Variants in SYCE1L observed in about 807,000 individuals in gnomAD.
The protein encoded by SYCE1L is synaptonemal complex central element protein 1-like.
Under a neutral mutation model 39.6 loss-of-function variants are expected in SYCE1L, and 51 were observed. The ratio of observed to expected loss-of-function variants is 1.29; its 90% CI spans 1.03 to 1.63. The LOEUF (loss-of-function observed/expected upper bound fraction) is 1.63. Ranked by LOEUF, SYCE1L falls within the 40% of genes most tolerant of loss-of-function variation. The probability of loss-of-function intolerance (pLI) is 0.00; values close to 1 mark genes in which losing one functional copy is unlikely to be tolerated. For missense variants in SYCE1L, 426 were observed against 304.9 expected (o/e 1.40, Z -2.96); for synonymous variants, 147 against 122.4 (o/e 1.20, Z -1.33).
chr16:77,208,463 AGCAAAGAAGAAATCCAGTGAGGAACT>A lies in SYCE1L; in HGVS notation c.182_207del (p.Ala61GlufsTer12). On this transcript the variant is annotated splice_acceptor_variant and coding_sequence_variant, in exon 4 of 11. Transcript: ENST00000378644. LOFTEE classifies it high-confidence loss of function. ...CAGTGTCTTTTTCCCTTCTTGGCCC[AGCAAAGAAGAAATCCAGTGAGGAACT>A]GAGAGAGACCCACAGTCTCTGGGAG... is the stretch of plus-strand genomic sequence containing the variant. 1 of 1,551,726 alleles carries A rather than the reference AGCAAAGAAGAAATCCAGTGAGGAACT, an allele frequency of 6.4e-7. No individual in the cohort carries two copies. The highest frequency in any genetic ancestry group is 1.2e-5 in the South Asian group (1 of 84,066).
intron 1 of SYCE1L, chr16:77,202,016 T>C (rs986050458): frequency 6.6e-6 from 1 of 152,092 alleles, no homozygotes; most frequent in African/African-American, 2.4e-5. Flanking sequence ...ATTTTGGGAG[T>C]AGTGCAGAGG....
At chr16:77,211,062 G>C (rs573028655) in intron 6 of SYCE1L, 151 bp from the exon 7 acceptor site, 1 of 783,450 alleles carries the variant, frequency 1.3e-6, no homozygotes, top group South Asian at 1.7e-5. Flanking sequence ...TGGAAGAGGT[G>C]CTACGGGAAC....
intron 1 of SYCE1L, chr16:77,200,291 T>TATATATACAC: frequency 9.9e-5 from 11 of 111,416 alleles, no homozygotes; most frequent in East Asian, 4.4e-4. Context: ...TATATATATA[T>TATATATACAC]ACACACACTA....
intron 3 of SYCE1L, 22 bp from the exon 4 acceptor site, chr16:77,208,443 T>G (rs2054800745): frequency 6.4e-7 from 1 of 1,551,472 alleles, no homozygotes; most frequent in African/African-American, 1.4e-5. Flanking sequence ...TCATACAGTG[T>G]CTTTTTCCCT....
chr16:77,199,681 G>A (rs1302860470), intron 1 of SYCE1L, 169 bp downstream of exon 1: 6 of 584,340 alleles, frequency 1.0e-5, no homozygotes, highest in African/African-American at 1.9e-5. Flanking sequence ...GCACAGTGGA[G>A]ATAAATTAAC....
chr16:77,205,453 TAC>T (rs1230640286), intron 1 of SYCE1L, among the ~76,000 whole-genome samples: 9 of 149,822 alleles, frequency 6.0e-5, no homozygotes, highest in South Asian at 2.1e-4. Flanking sequence ...TATATATGTA[TAC>T]ATACATATTT....
rs964505796 is a variant in SYCE1L at position 77,208,276 on chromosome 16, T to C, written c.181+7T>C. Reference sequence around the variant, plus strand: ...ATTAATGATCTTCAGCAAGGTAAACTTGGGGACTTAGACTGGCCAGCTGGG... The same window carrying C: ...ATTAATGATCTTCAGCAAGGTAAACCTGGGGACTTAGACTGGCCAGCTGGG... On this transcript the variant is annotated splice_region_variant and intron_variant, in intron 3 of 10. Coordinates refer to ENST00000378644, the MANE Select transcript of SYCE1L (RefSeq NM_001129979.3). 1.2e-5 allele frequency: 19 copies of C among 1,551,552 alleles called. No individual in the cohort carries two copies. The African/African-American group carries it at 1.9e-4, about 16-fold the overall frequency.
In SYCE1L at chr16:77,212,318, G is replaced by C. The variant is rs1220030789; in HGVS notation, c.530G>C (p.Arg177Pro). Residue 177 changes from arginine to proline, a missense_variant, in exon 9 of 11, where the codon CGG becomes CCG. Physicochemically the swap from Arg to Pro is moderately radical, Grantham distance 103 (BLOSUM62 -2). Transcript: ENST00000378644. ...LVRAKLREVE[R>P]RLHSPPEVEG... ...CGCGCCAAGCTGCGGGAGGTGGAGC[G>C]GCGGCTGCACTCGCCGCCTGAGGTC... 6.6e-7 allele frequency: 1 copy of C among 1,524,786 alleles called. No individual in the cohort carries two copies. Among genetic ancestry groups the C allele is most frequent in the Non-Finnish European group, 8.8e-7 (1 of 1,137,722 alleles). The allele number at this position is 1,524,786 out of a possible 1,614,324, so 94.5% of individuals were successfully genotyped here. A position where few individuals can be genotyped will look rare whatever the true frequency, so the allele number is the denominator to read the frequency against.
chr16:77,204,430 T>C (rs1449220613), intron 1 of SYCE1L, among the ~76,000 whole-genome samples: 2 of 152,082 alleles, frequency 1.3e-5, no homozygotes, highest in Non-Finnish European at 2.9e-5. Flanking sequence ...GGTGTCCTTA[T>C]AAGTAGAGGG....
At position 77,213,089 on chromosome 16, in the gene SYCE1L, C is replaced by A. The variant is rs1041760419; in HGVS notation, c.*158C>A. The stretch of plus-strand genomic sequence containing the variant: ...CTCGAGGCGGGGCCTCTGCCGGACC[C>A]CTCCCACCAGTCGAGCCCCGGGCGC... On this transcript the variant is annotated 3_prime_UTR_variant, in exon 11 of 11. Transcript: ENST00000378644. 4.0e-6 allele frequency: 3 copies of A among 753,106 alleles called. No homozygotes were observed. In the African/African-American group the frequency reaches 5.4e-5, roughly 14 times the overall value. The allele number at this position is 753,106 out of a possible 1,614,324, so 46.7% of individuals were successfully genotyped here. A position where few individuals can be genotyped will look rare whatever the true frequency, so the allele number is the denominator to read the frequency against.
chr16:77,209,592 C>T (rs1019669703), intron 6 of SYCE1L, 121 bp downstream of exon 6: 146 of 1,044,262 alleles, frequency 1.4e-4, no homozygotes, highest in Non-Finnish European at 1.9e-4. Flanking sequence ...TAAAATAGAG[C>T]AGCCTGACAA....
intron 6 of SYCE1L, 71 bp from the exon 7 acceptor site, chr16:77,211,142 G>A: frequency 2.0e-6 from 3 of 1,511,324 alleles, no homozygotes; most frequent in Non-Finnish European, 2.7e-6. Context: ...CTGAAGGCCT[G>A]TGCATGAGGA....
intron 2 of SYCE1L, 71 bp downstream of exon 2, chr16:77,206,571 C>G: frequency 6.9e-7 from 1 of 1,453,002 alleles, no homozygotes; most frequent in Middle Eastern, 1.7e-4. Flanking sequence ...CAAATTCAGC[C>G]CCCTGAACTC....
At position 77,213,158 on chromosome 16, in the gene SYCE1L, G is replaced by C; in HGVS notation, c.*227G>C. On this transcript the variant is annotated 3_prime_UTR_variant, in exon 11 of 11. Transcript: ENST00000378644. ...ATGCTCCTGAACTCAGAGAGAGTAA[G>C]TGGGTGTCAGTATCCCCCGCCCCAC... 1 of 408,520 alleles carries C rather than the reference G, an allele frequency of 2.4e-6. No individual in the cohort carries two copies. Among genetic ancestry groups the C allele is most frequent in the Non-Finnish European group, 4.3e-6 (1 of 232,400 alleles). 25.3% of individuals were successfully genotyped at this position (408,520 alleles called of 1,614,324 possible).
At chr16:77,207,632 G>C (rs932358302) in intron 2 of SYCE1L, among the ~76,000 whole-genome samples, 4 of 152,170 alleles carry the variant, frequency 2.6e-5, no homozygotes, top group Non-Finnish European at 5.9e-5. Flanking sequence ...ACCACACTCA[G>C]AGTTACATCT....
rs951256918 is a variant in SYCE1L at position 77,206,535 on chromosome 16, G to A, written c.121+35G>A. ...CTCTTTGTTTCTGAGCCTCAGCCTG[G>A]GGTTTCAAGTCAGAAAGACATGGTA... On this transcript the variant is annotated intron_variant, in intron 2 of 10. Transcript: ENST00000378644. The A allele has an allele frequency of 1.2e-5, 18 of 1,549,440 alleles. No individual in the cohort carries two copies. The African/African-American group carries it at 1.9e-4, about 17-fold the overall frequency.
intron 1 of SYCE1L, chr16:77,202,530 G>A (rs1178116546): frequency 2.0e-5 from 3 of 152,200 alleles, no homozygotes; most frequent in Non-Finnish European, 2.9e-5. Flanking sequence ...CTAGAAAGCA[G>A]AGAGAGGAAA....
intron 9 of SYCE1L, 83 bp downstream of exon 9, chr16:77,212,452 A>G: frequency 1.3e-6 from 2 of 1,537,092 alleles, no homozygotes; most frequent in Non-Finnish European, 1.8e-6. Flanking sequence ...TCCGCCCCCG[A>G]CTGCCGCTTC....
chr16:77,210,140 T>C (rs1417924308), intron 6 of SYCE1L, among the ~76,000 whole-genome samples: 2 of 152,202 alleles, frequency 1.3e-5, no homozygotes, highest in Non-Finnish European at 2.9e-5. Flanking sequence ...ATCCAACCTG[T>C]ATCCATCCAT....
Sources: gnomAD v4.1 joint callset for allele counts (sites outside exome capture counted in the v4.1 genomes callset) on GRCh38, gnomAD v4.1.1 for gene constraint, MANE v1.5 for transcripts, NCBI Gene and HGNC (gene_info 2026-07-23, HGNC 2026-07-21) for gene names.